Variants in KIAA1755 observed in about 807,000 individuals in gnomAD.
KIAA1755 encodes uncharacterized protein KIAA1755.
A neutral mutation model predicts 91.7 loss-of-function variants in KIAA1755; 68 were observed. That is an observed-to-expected ratio of 0.74 (90% confidence interval 0.61 to 0.91). KIAA1755 has a LOEUF of 0.91. Ranked by LOEUF, KIAA1755 falls within the 40% of genes least tolerant of loss-of-function variation. KIAA1755 has a pLI of 0.00. For synonymous variants in KIAA1755, 610 were observed against 604.6 expected (o/e 1.01, Z -0.13); for missense variants, 1,535 against 1,494.4 (o/e 1.03, Z -0.45).
chr20:38,239,420 C>T (rs1182198754), intron 4 of KIAA1755, 108 bp downstream of exon 4: 4 of 967,816 alleles, frequency 4.1e-6, no homozygotes, highest in Non-Finnish European at 1.6e-6. Flanking sequence ...TGGTCTAGAA[C>T]CTAGGCCTCC....
chr20:38,242,102 C>G (rs1402808619), intron 2 of KIAA1755, among the ~76,000 whole-genome samples, 173 bp from the exon 3 acceptor site: 1 of 152,220 alleles, frequency 6.6e-6, no homozygotes, highest in Non-Finnish European at 1.5e-5. Flanking sequence ...TCCTGCCCCA[C>G]CCTCGTCCTG....
chr20:38,258,465 G>C (rs2076377255), intron 1 of KIAA1755, among the ~76,000 whole-genome samples: 2 of 152,170 alleles, frequency 1.3e-5, no homozygotes, highest in African/African-American at 4.8e-5. Flanking sequence ...CTCTGACATG[G>C]GGGTGCCCCC....
At chr20:38,233,485 A>G (rs542738861) in intron 4 of KIAA1755, 7 of 152,262 alleles carry the variant, frequency 4.6e-5, no homozygotes, top group African/African-American at 1.4e-4. Context: ...TGGGTCAGGA[A>G]ATGCTACATC....
chr20:38,227,145 C>G lies in KIAA1755; in HGVS notation c.2052+9G>C. On this transcript the variant is annotated intron_variant, in intron 7 of 13. Transcript: ENST00000279024. ...CCTTCCTCAACCGCCGACCCTGAGTCCCCCTCACCTGGACGTCAGGTAATG... is the reference window on the plus strand; with the variant it reads ...CCTTCCTCAACCGCCGACCCTGAGTGCCCCTCACCTGGACGTCAGGTAATG... 9 of 1,610,024 alleles carry G rather than the reference C, an allele frequency of 5.6e-6. No homozygotes were observed. The highest frequency in any genetic ancestry group is 5.9e-6 in the Non-Finnish European group (7 of 1,176,698).
rs1358008823 is a variant in KIAA1755, at chr20:38,227,237, G to C, written c.1969C>G (p.Gln657Glu). The change falls in exon 7 of 14, where the codon CAG (glutamine) becomes GAG (glutamate). Residue 657 changes from glutamine (Q) to glutamate (E), a missense_variant. Gln to Glu is a conservative substitution (Grantham distance 29). Transcript: ENST00000279024. Reference sequence around the variant, plus strand: ...ATAGCCCGGATAGAGGCTGGGACCTGAGCCTGTCAAAGACAACCACTGCAG... The same window carrying C: ...ATAGCCCGGATAGAGGCTGGGACCTCAGCCTGTCAAAGACAACCACTGCAG... ...LVSALQATQA[Q>E]VPASIRAILF... 1.2e-6 allele frequency: 2 copies of C among 1,613,142 alleles called. No homozygotes were observed. The highest frequency in any genetic ancestry group is 1.7e-6 in the Non-Finnish European group (2 of 1,179,446).
intron 13 of KIAA1755, among the ~76,000 whole-genome samples, chr20:38,214,878 T>C (rs933874240): frequency 5.9e-5 from 9 of 152,254 alleles, no homozygotes; most frequent in African/African-American, 2.2e-4. Context: ...GCTGTAGGGA[T>C]TGGAGAACCA....
Position 38,214,390 on chromosome 20 carries a change from G to T in KIAA1755, c.2902-647C>A, listed in dbSNP as rs144962337. 3.0e-3 allele frequency among the ~76,000 whole-genome samples: 450 copies of T among 152,334 alleles called. 8 individuals carry two copies. Among genetic ancestry groups the T allele is most frequent in the African/African-American group, 0.01 (417 of 41,568 alleles). On this transcript the variant is annotated intron_variant, in intron 13 of 13. Coordinates refer to ENST00000279024, the MANE Select transcript of KIAA1755 (RefSeq NM_001029864.2). The stretch of plus-strand genomic sequence containing the variant: ...AGAGGTGAAATTCCTCTCCATGGTT[G>T]TATTAACCCTTGAGAGTGCTGTGAG...
intron 12 of KIAA1755, chr20:38,218,020 A>T (rs1449006932): frequency 1.7e-6 from 1 of 595,244 alleles, no homozygotes; most frequent in Non-Finnish European, 2.9e-6. Context: ...CATTTTAAGA[A>T]ACCCTCTGGG....
intron 1 of KIAA1755, among the ~76,000 whole-genome samples, chr20:38,248,349 G>A (rs979113184): frequency 3.9e-5 from 6 of 152,242 alleles, no homozygotes; most frequent in South Asian, 2.1e-4. Context: ...AGAAGCTGGA[G>A]AAGGCAAGCA....
chr20:38,218,220 G>C (rs1216724523), intron 12 of KIAA1755, 24 bp downstream of exon 12: 3 of 1,613,862 alleles, frequency 1.9e-6, no homozygotes, highest in Middle Eastern at 1.6e-4. Context: ...CTCCAGTCCT[G>C]CTCCTCTGTT....
In KIAA1755 at chr20:38,213,181, G is replaced by A. The variant is rs531139161; in HGVS notation, c.3464C>T (p.Ala1155Val). The change falls in exon 14 of 14, where the codon GCC (alanine) becomes GTC (valine). Residue 1155 changes from alanine (A) to valine (V), a missense_variant. Physicochemically the swap from Ala to Val is moderately conservative, Grantham distance 64. Transcript: ENST00000279024. ...LPDPAREHLL[A>V]TTFFRQQPPR... Reference sequence around the variant, plus strand: ...GGGCTGCTGCCGGAAGAAGGTGGTGGCAAGCAAATGCTCGCGGGCAGGGTC... The same window carrying A: ...GGGCTGCTGCCGGAAGAAGGTGGTGACAAGCAAATGCTCGCGGGCAGGGTC... 1 of 1,613,718 alleles carries A rather than the reference G, an allele frequency of 6.2e-7. No homozygotes were observed. Among genetic ancestry groups the A allele is most frequent in the South Asian group, 1.1e-5 (1 of 91,078 alleles).
At chr20:38,243,267 G>T (rs889687542) in intron 2 of KIAA1755, among the ~76,000 whole-genome samples, 3 of 152,188 alleles carry the variant, frequency 2.0e-5, no homozygotes, top group African/African-American at 7.2e-5. Context: ...GAAATAGTGA[G>T]ATCTGACCAT....
At chr20:38,240,238 G>A (rs2076031372) in intron 3 of KIAA1755, among the ~76,000 whole-genome samples, 1 of 152,110 alleles carries the variant, frequency 6.6e-6, no homozygotes, top group South Asian at 2.1e-4. Flanking sequence ...CCTAGCTTCT[G>A]GTGTCGCTTT....
rs942116733 is a variant in KIAA1755, at chr20:38,247,556, A to G, written c.4-1430T>C. On this transcript the variant is annotated intron_variant, in intron 1 of 13. Transcript: ENST00000279024. ...TCTGGGATCCTATAGTACCCCTATT[A>G]CAGCGGTTCCCATCTAAAGGCAGGT... is the stretch of plus-strand genomic sequence containing the variant. 3.3e-5 allele frequency among the ~76,000 whole-genome samples: 5 copies of G among 152,202 alleles called. No homozygotes were observed. In the East Asian group the frequency reaches 9.6e-4, roughly 29 times the overall value.
chr20:38,227,018 T>C, intron 7 of KIAA1755, 136 bp downstream of exon 7: 1 of 607,286 alleles, frequency 1.6e-6, no homozygotes, highest in South Asian at 2.0e-5. Context: ...TTAGGCCTCG[T>C]ATTTATTGCC....
In KIAA1755 at chr20:38,213,564, T is replaced by C. The variant is rs1182255175; in HGVS notation, c.3081A>G (p.Ala1027=). 1 of 1,606,988 alleles carries C rather than the reference T, an allele frequency of 6.2e-7. No homozygotes were observed. The highest frequency in any genetic ancestry group is 2.2e-5 in the East Asian group (1 of 44,712). The change falls in exon 14 of 14, where the codon GCA becomes GCG. Residue 1027 remains alanine (A), a synonymous_variant. Coordinates refer to ENST00000279024, the MANE Select transcript of KIAA1755 (RefSeq NM_001029864.2). ...VGLQVASLSR[A]GLGQELWEEA... ...CCTCCCATAGCTCCTGGCCCAGGCCTGCCCGGCTCAGGGAGGCCACCTGCA... is the reference window on the plus strand; with the variant it reads ...CCTCCCATAGCTCCTGGCCCAGGCCCGCCCGGCTCAGGGAGGCCACCTGCA...
chr20:38,231,214 C>T lies in KIAA1755; in HGVS notation c.1859G>A (p.Cys620Tyr), dbSNP rs755597601. 1.2e-6 allele frequency: 2 copies of T among 1,613,200 alleles called. No individual in the cohort carries two copies. The highest frequency in any genetic ancestry group is 1.7e-6 in the Non-Finnish European group (2 of 1,179,638). ...CCCAGATCCTTACCTGGGGATGGTA[C>T]ACAGGTAGGACAGTAGCTTGGTGAC... ...SEVTKLLSYL[C>Y]TIPRPEDKAK... The change falls in exon 5 of 14, where the codon TGT becomes TAT. Residue 620 changes from cysteine to tyrosine, a missense_variant. Coordinates refer to ENST00000279024, the MANE Select transcript of KIAA1755 (RefSeq NM_001029864.2).
In KIAA1755 at chr20:38,217,280, C is replaced by T. The variant is rs746192995; in HGVS notation, c.2874G>A (p.Leu958=). ...AERQRTDLET[L]LHLHRFCKRM... Reference sequence around the variant, plus strand: ...TCTTGCAGAAGCGGTGCAGGTGGAGCAGCGTCTCGAGGTCCGTGCGTTGCC... The same window carrying T: ...TCTTGCAGAAGCGGTGCAGGTGGAGTAGCGTCTCGAGGTCCGTGCGTTGCC... Residue 958 remains leucine (L), a synonymous_variant, in exon 13 of 14, where the codon CTG becomes CTA. Transcript: ENST00000279024. 1.9e-5 allele frequency: 30 copies of T among 1,604,944 alleles called. No homozygotes were observed. The highest frequency in any genetic ancestry group is 2.5e-5 in the Non-Finnish European group (30 of 1,176,786).
rs2075456183 is a variant in KIAA1755 at position 38,211,929 on chromosome 20, C to T, written c.*1113G>A. 1 of 152,204 alleles carries T rather than the reference C, an allele frequency of 6.6e-6. No homozygotes were observed. Among genetic ancestry groups the T allele is most frequent in the African/African-American group, 2.4e-5 (1 of 41,450 alleles). The allele number at this position is 152,204 out of a possible 1,614,324, so 9.4% of individuals were successfully genotyped here. ...GCTCCTGAGGGTTGGCAGATAAATG[C>T]TCTGGATGCCTCACGCCTCAGGGGG... is the stretch of plus-strand genomic sequence containing the variant. On this transcript the variant is annotated 3_prime_UTR_variant, in exon 14 of 14. Transcript: ENST00000279024.
Sources: allele counts gnomAD v4.1 joint callset (sites outside exome capture counted in the v4.1 genomes callset), GRCh38; gene constraint gnomAD v4.1.1; transcripts MANE v1.5; gene names NCBI Gene and HGNC (gene_info 2026-07-23, HGNC 2026-07-21).